SNX13: variants seen among roughly 807,000 people sequenced by gnomAD.
SNX13 encodes sorting nexin-13.
In SNX13, 45 loss-of-function variants were observed where a neutral mutation model predicts 133.6. That is an observed-to-expected ratio of 0.34 (90% confidence interval 0.27 to 0.43). The LOEUF (loss-of-function observed/expected upper bound fraction) is 0.43. SNX13 is among the 20% of genes least tolerant of loss of function. The pLI is 1.00. For missense variants in SNX13, 1,032 were observed against 1,145.1 expected, an observed-to-expected ratio of 0.90 and a Z score of 1.43; for synonymous variants, 414 against 373.9, an observed-to-expected ratio of 1.11 and a Z score of -1.24.
chr7:17,854,947 T>A lies in SNX13; in HGVS notation c.838-3983A>T, dbSNP rs1470917485. On this transcript the variant is annotated intron_variant, in intron 9 of 25. Transcript: ENST00000428135. ...AAGCCAAGACAGACTTAAAGCTTGG[T>A]CTCTTGCACTAAACAATTATCCAAT... 3.9e-5 allele frequency among the ~76,000 whole-genome samples: 6 copies of A among 152,148 alleles called. No individual in the cohort carries two copies. In the East Asian group the frequency reaches 1.2e-3, roughly 29 times the overall value.
chr7:17,886,155 A>G (rs1795959775), intron 5 of SNX13, among the ~76,000 whole-genome samples: 1 of 152,170 alleles, frequency 6.6e-6, no homozygotes, highest in African/African-American at 2.4e-5. Context: ...CACATTCCCT[A>G]TCATTCCCTG....
chr7:17,855,921 G>C (rs148933512), intron 9 of SNX13, among the ~76,000 whole-genome samples: 2,239 of 152,292 alleles, frequency 0.015, 23 homozygotes, highest in Non-Finnish European at 0.023. Flanking sequence ...AAAGTAAACT[G>C]ATAACCTTCT....
At chr7:17,821,405 C>T (rs765116776) in intron 18 of SNX13, 104 bp downstream of exon 18, 27 of 1,131,140 alleles carry the variant, frequency 2.4e-5, no homozygotes, top group Non-Finnish European at 3.3e-5. Context: ...AAAATTCTTA[C>T]CTTATTTTTT....
chr7:17,894,194 T>G (rs1796955006), intron 2 of SNX13, among the ~76,000 whole-genome samples: 1 of 151,362 alleles, frequency 6.6e-6, no homozygotes, highest in Admixed American at 6.6e-5. Context: ...TCCCAGCTAC[T>G]CAGGAGGCTG....
intron 11 of SNX13, among the ~76,000 whole-genome samples, chr7:17,849,991 A>G (rs1283273364): frequency 6.6e-6 from 1 of 152,232 alleles, no homozygotes; most frequent in Non-Finnish European, 1.5e-5. Context: ...ACTAAAATGT[A>G]AACTCCACGA....
intron 1 of SNX13, among the ~76,000 whole-genome samples, chr7:17,936,469 T>C (rs947444617): frequency 7.9e-5 from 12 of 152,170 alleles, no homozygotes; most frequent in African/African-American, 2.2e-4. Context: ...AAACAACTAA[T>C]AGCTTTAAAT....
intron 10 of SNX13, 63 bp from the exon 11 acceptor site, chr7:17,850,498 G>T: frequency 1.1e-5 from 11 of 963,046 alleles, no homozygotes; most frequent in Non-Finnish European, 1.6e-5. Flanking sequence ...CTTTAAACAT[G>T]CACTTACTGT....
chr7:17,798,518 A>G (rs918561855), intron 24 of SNX13, among the ~76,000 whole-genome samples, 172 bp downstream of exon 24: 9 of 151,938 alleles, frequency 5.9e-5, no homozygotes, highest in Non-Finnish European at 4.4e-5. Flanking sequence ...ACAAAGATCA[A>G]TAGGTTCATA....
intron 9 of SNX13, among the ~76,000 whole-genome samples, chr7:17,864,830 G>A (rs1793175332): frequency 3.3e-5 from 1 of 30,238 alleles, no homozygotes; most frequent in Non-Finnish European, 6.2e-5. Flanking sequence ...GGAAGAGGAA[G>A]AGGAGGAGGA....
chr7:17,882,089 G>T (rs572193198), intron 5 of SNX13: 1 of 151,976 alleles, frequency 6.6e-6, no homozygotes, highest in Non-Finnish European at 1.5e-5. Flanking sequence ...AAAAATATAC[G>T]GGGAATTCTT....
chr7:17,798,914 A>G, intron 23 of SNX13, 95 bp downstream of exon 23: 3 of 1,443,576 alleles, frequency 2.1e-6, no homozygotes, highest in Non-Finnish European at 2.8e-6. Flanking sequence ...CCAGAGAAAA[A>G]AATTCTCCTA....
chr7:17,813,833 ACCTCAGCTT>A (rs1303179874), intron 20 of SNX13, among the ~76,000 whole-genome samples: 1 of 151,816 alleles, frequency 6.6e-6, no homozygotes, highest in East Asian at 1.9e-4. Flanking sequence ...CAATCCACCC[ACCTCAGCTT>A]CCCAAAGCGC....
chr7:17,801,955 G>T (rs1384549553), intron 21 of SNX13, among the ~76,000 whole-genome samples: 1 of 152,040 alleles, frequency 6.6e-6, no homozygotes, highest in East Asian at 1.9e-4. Flanking sequence ...TGACTTGAAA[G>T]CCAAAAAGTC....
chr7:17,932,899 C>G (rs1382370151), intron 1 of SNX13, among the ~76,000 whole-genome samples: 1 of 152,194 alleles, frequency 6.6e-6, no homozygotes, highest in Non-Finnish European at 1.5e-5. Flanking sequence ...CCTCAAGGCT[C>G]CCACTTTGAT....
intron 1 of SNX13, among the ~76,000 whole-genome samples, chr7:17,921,274 T>A (rs1304891009): frequency 6.6e-6 from 1 of 152,230 alleles, no homozygotes; most frequent in Non-Finnish European, 1.5e-5. Context: ...ATGAACCCAC[T>A]AAGCCTTGTT....
At chr7:17,814,725 T>A in intron 20 of SNX13, 109 bp downstream of exon 20, 2 of 886,290 alleles carry the variant, frequency 2.3e-6, no homozygotes, top group Non-Finnish European at 3.3e-6. Context: ...TTAATAAAAT[T>A]TTCTAGTTTT....
chr7:17,802,468 A>G (rs1784743963), intron 21 of SNX13, among the ~76,000 whole-genome samples: 1 of 152,182 alleles, frequency 6.6e-6, no homozygotes, highest in South Asian at 2.1e-4. Context: ...TGTCAGCACA[A>G]GGATTGTCAA....
At chr7:17,827,812 T>G (rs1788073584) in intron 16 of SNX13, among the ~76,000 whole-genome samples, 1 of 151,804 alleles carries the variant, frequency 6.6e-6, no homozygotes, top group African/African-American at 2.4e-5. Flanking sequence ...GCTCAAGAAA[T>G]CATTTTGATA....
intron 5 of SNX13, chr7:17,880,955 T>C (rs1030146100): frequency 6.6e-6 from 1 of 152,116 alleles, no homozygotes; most frequent in Non-Finnish European, 1.5e-5. Flanking sequence ...AAGGGTCATC[T>C]TGTAGACTTG....
Sources: allele counts gnomAD v4.1 joint callset (sites outside exome capture counted in the v4.1 genomes callset), GRCh38; gene constraint gnomAD v4.1.1; transcripts MANE v1.5; gene names NCBI Gene and HGNC (gene_info 2026-07-23, HGNC 2026-07-21).